The following SBF2 variants were observed in gnomAD, a reference collection of about 807,000 sequenced individuals.
SBF2 encodes the protein SET binding factor 2.
SBF2 carries 112 observed loss-of-function variants against 225.2 expected under a neutral mutation model. The observed-to-expected ratio is 0.50, with a 90% confidence interval of 0.43 to 0.58. The LOEUF (loss-of-function observed/expected upper bound fraction) is 0.58, where lower values mean the gene tolerates loss of function less well. SBF2 is among the 20% of genes least tolerant of loss of function. The probability of loss-of-function intolerance (pLI) is 0.00; values close to 1 mark genes in which losing one functional copy is unlikely to be tolerated. For missense variants in SBF2, 1,996 were observed against 2,206.2 expected, an observed-to-expected ratio of 0.90 and a Z score of 1.91; for synonymous variants, 763 against 773.3, an observed-to-expected ratio of 0.99 and a Z score of 0.22.
chr11:10,226,693 T>C (rs1220224264), intron 1 of SBF2, among the ~76,000 whole-genome samples: 1 of 152,214 alleles, frequency 6.6e-6, no homozygotes, highest in Non-Finnish European at 1.5e-5. Context: ...TATTCCATGG[T>C]GTATATGTGT....
intron 2 of SBF2, among the ~76,000 whole-genome samples, chr11:10,096,812 T>C (rs180999982): frequency 3.9e-5 from 6 of 152,330 alleles, no homozygotes; most frequent in African/African-American, 1.4e-4. Flanking sequence ...TATTCTCTTA[T>C]AAAGTACAAA....
chr11:9,821,296 T>C (rs1319685636), intron 28 of SBF2, among the ~76,000 whole-genome samples: 1 of 152,206 alleles, frequency 6.6e-6, no homozygotes, highest in Non-Finnish European at 1.5e-5. Context: ...TCTGACTCAT[T>C]ATTGTATCTT....
chr11:9,870,619 A>G (rs1453083604), intron 17 of SBF2, among the ~76,000 whole-genome samples: 4 of 152,190 alleles, frequency 2.6e-5, no homozygotes, highest in Admixed American at 2.0e-4. Flanking sequence ...TTTCCAATTA[A>G]TAAATGGTGC....
chr11:9,919,350 G>C (rs946207523), intron 16 of SBF2, among the ~76,000 whole-genome samples: 5 of 150,796 alleles, frequency 3.3e-5, no homozygotes, highest in African/African-American at 1.2e-4. Flanking sequence ...GTAGTAGGAC[G>C]AGCCACAGAC....
At chr11:9,788,620 A>T (rs1590085747) in intron 35 of SBF2, among the ~76,000 whole-genome samples, 1 of 133,402 alleles carries the variant, frequency 7.5e-6, no homozygotes, top group Non-Finnish European at 1.5e-5. Context: ...ACTGAGACGG[A>T]GTCTTGCTCT....
At chr11:10,141,895 CTT>C (rs1954664992) in intron 2 of SBF2, among the ~76,000 whole-genome samples, 1 of 152,140 alleles carries the variant, frequency 6.6e-6, no homozygotes, top group Non-Finnish European at 1.5e-5. Flanking sequence ...TCAAATCTGA[CTT>C]CGTAGAGCAT....
chr11:10,078,317 G>C (rs1420345518), intron 2 of SBF2, among the ~76,000 whole-genome samples: 6 of 152,138 alleles, frequency 3.9e-5, no homozygotes, highest in African/African-American at 1.4e-4. Flanking sequence ...CTAATATAAA[G>C]ACACATGAAC....
chr11:10,193,915 T>C lies in SBF2; in HGVS notation c.128A>G (p.Gln43Arg), dbSNP rs765123817. 2.0e-5 allele frequency: 33 copies of C among 1,610,696 alleles called. No homozygotes were observed. Among genetic ancestry groups the C allele is most frequent in the Non-Finnish European group, 2.7e-5 (32 of 1,177,088 alleles). ...ACAACCACTTACCAACTCAATTCCC[T>C]GTGGAAAAGGTGTATCATCCCAGTC... ...QKDWDDTPFP[Q>R]GIELFCQPGG... The change falls in exon 2 of 40, where the codon CAG becomes CGG. Residue 43 changes from glutamine (Q) to arginine (R), a missense_variant. Physicochemically the swap from Gln to Arg is conservative, Grantham distance 43. Transcript: ENST00000256190.
At chr11:10,003,590 C>T (rs1948067687) in intron 6 of SBF2, among the ~76,000 whole-genome samples, 2 of 151,990 alleles carry the variant, frequency 1.3e-5, no homozygotes, top group Admixed American at 1.3e-4. Context: ...GATGGTCTTG[C>T]TCTCCTGACT....
intron 24 of SBF2, among the ~76,000 whole-genome samples, chr11:9,844,617 G>T (rs962996814): frequency 6.6e-6 from 1 of 152,064 alleles, no homozygotes; most frequent in Non-Finnish European, 1.5e-5. Context: ...CCTGGACCAG[G>T]AATAAAAAAG....
intron 32 of SBF2, among the ~76,000 whole-genome samples, chr11:9,805,420 G>A (rs1464334824): frequency 6.6e-6 from 1 of 152,058 alleles, no homozygotes; most frequent in Non-Finnish European, 1.5e-5. Context: ...AGATTGTGTA[G>A]CCATTCACCT....
intron 3 of SBF2, among the ~76,000 whole-genome samples, chr11:10,036,482 T>C (rs1949444896): frequency 6.6e-6 from 1 of 152,176 alleles, no homozygotes; most frequent in Non-Finnish European, 1.5e-5. Flanking sequence ...TAATTTAAAG[T>C]ATATCTGCTA....
In SBF2 at chr11:9,850,177, A is replaced by G; in HGVS notation, c.2652T>C (p.Ile884=). 1 of 1,613,922 alleles carries G rather than the reference A, an allele frequency of 6.2e-7. No homozygotes were observed. The highest frequency in any genetic ancestry group is 1.3e-5 in the African/African-American group (1 of 75,046). Residue 884 remains isoleucine (I), a synonymous_variant, in exon 22 of 40, where the codon ATT becomes ATC. Coordinates refer to ENST00000256190, the MANE Select transcript of SBF2 (RefSeq NM_030962.4). ...LRPALLPGEE[I]VCEGLRVLLD... is the part of the protein sequence containing the mutation. ...GCAAGACTCGAAGACCCTCACAGACAATTTCTTCTCCTGGCAGCAGAGCAG... is the reference window on the plus strand; with the variant it reads ...GCAAGACTCGAAGACCCTCACAGACGATTTCTTCTCCTGGCAGCAGAGCAG...
chr11:10,056,571 T>C (rs1230415493), intron 2 of SBF2, among the ~76,000 whole-genome samples: 1 of 152,224 alleles, frequency 6.6e-6, no homozygotes, highest in Non-Finnish European at 1.5e-5. Flanking sequence ...GGAATCCTAG[T>C]GATTTTCGTA....
At chr11:10,015,826 C>T (rs904941969) in intron 6 of SBF2, among the ~76,000 whole-genome samples, 2 of 151,486 alleles carry the variant, frequency 1.3e-5, no homozygotes, top group East Asian at 3.9e-4. Flanking sequence ...TTTTTTGAGA[C>T]GGAGTCTCAC....
Position 9,999,343 on chromosome 11 carries a change from G to A in SBF2, c.862-964C>T, listed in dbSNP as rs557102822. 8.6e-5 allele frequency among the ~76,000 whole-genome samples: 13 copies of A among 151,692 alleles called. No homozygotes were observed. In the East Asian group the frequency reaches 2.5e-3, roughly 29 times the overall value. On this transcript the variant is annotated intron_variant, in intron 8 of 39. Coordinates refer to ENST00000256190, the MANE Select transcript of SBF2 (RefSeq NM_030962.4). The stretch of plus-strand genomic sequence containing the variant: ...TATGTATGTATGTATTTATTTTTGA[G>A]ACAGAGTCTTACTCTCGCCCAGGCT...
chr11:9,936,566 A>G lies in SBF2; in HGVS notation c.1860+25391T>C, dbSNP rs543070982. 2.8e-3 allele frequency among the ~76,000 whole-genome samples: 427 copies of G among 152,366 alleles called. 2 individuals carry two copies. The highest frequency in any genetic ancestry group is 9.9e-3 in the African/African-American group (411 of 41,588). On this transcript the variant is annotated intron_variant, in intron 16 of 39. Coordinates refer to ENST00000256190, the MANE Select transcript of SBF2 (RefSeq NM_030962.4). ...TTGGAACCAACCCAAATGTCCATCAATGATAGACTGGATTAAGAAAATGTG... is the reference window on the plus strand; with the variant it reads ...TTGGAACCAACCCAAATGTCCATCAGTGATAGACTGGATTAAGAAAATGTG...
intron 22 of SBF2, 115 bp downstream of exon 22, chr11:9,849,908 G>T: frequency 1.0e-6 from 1 of 998,004 alleles, no homozygotes; most frequent in Non-Finnish European, 1.6e-6. Context: ...AAATACCTGT[G>T]TGGCAAAAAG....
chr11:10,196,866 A>ATATATATATATATATTTTTTTTTTTTTTT, intron 1 of SBF2, among the ~76,000 whole-genome samples: 1 of 99,308 alleles, frequency 1.0e-5, no homozygotes, highest in Non-Finnish European at 2.0e-5. Flanking sequence ...ATATATATAT[A>ATATATATATATATATTTTTTTTTTTTTTT]TTTTTTTTTT....
Sources: gnomAD v4.1 joint callset for allele counts (sites outside exome capture counted in the v4.1 genomes callset) on GRCh38, gnomAD v4.1.1 for gene constraint, MANE v1.5 for transcripts, NCBI Gene and HGNC (gene_info 2026-07-23, HGNC 2026-07-21) for gene names.